The following BMPR1B variants were observed in gnomAD, a reference collection of about 807,000 sequenced individuals.
The protein encoded by BMPR1B is bone morphogenetic protein receptor type-1B.
A neutral mutation model predicts 59.1 loss-of-function variants in BMPR1B; 12 were observed. That is an observed-to-expected ratio of 0.20 (90% CI 0.13 to 0.33). The LOEUF is 0.33. Ranked by LOEUF, BMPR1B falls within the 10% of genes least tolerant of loss-of-function variation. The pLI is 1.00. For missense variants in BMPR1B, 550 were observed against 610.9 expected, an observed-to-expected ratio of 0.90 and a Z score of 1.05; for synonymous variants, 237 against 207.3, an observed-to-expected ratio of 1.14 and a Z score of -1.23.
intron 2 of BMPR1B, among the ~76,000 whole-genome samples, chr4:94,987,546 T>G (rs1186327806): frequency 6.6e-6 from 1 of 152,112 alleles, no homozygotes; most frequent in East Asian, 1.9e-4. Flanking sequence ...TGGTTTTTGC[T>G]GAGTCCCTCC....
At chr4:94,936,719 T>C (rs1171869333) in intron 2 of BMPR1B, among the ~76,000 whole-genome samples, 1 of 152,118 alleles carries the variant, frequency 6.6e-6, no homozygotes, top group Admixed American at 6.6e-5. Flanking sequence ...TAAGAATGGG[T>C]TTGCCTTTCA....
chr4:94,937,845 G>A (rs1453287092), intron 2 of BMPR1B, among the ~76,000 whole-genome samples: 2 of 152,112 alleles, frequency 1.3e-5, no homozygotes, highest in South Asian at 2.1e-4. Flanking sequence ...GGATAGTGAG[G>A]GAGTGAGATT....
intron 1 of BMPR1B, among the ~76,000 whole-genome samples, chr4:94,856,702 G>A: frequency 6.6e-6 from 1 of 152,134 alleles, no homozygotes; most frequent in East Asian, 1.9e-4. Context: ...ATAATGGGCA[G>A]GCCAAACTGT....
intron 3 of BMPR1B, among the ~76,000 whole-genome samples, chr4:95,069,514 A>G (rs1351665707): frequency 6.6e-6 from 1 of 152,132 alleles, no homozygotes; most frequent in Non-Finnish European, 1.5e-5. Flanking sequence ...TTCCCTTCTC[A>G]AAACTGACTT....
chr4:94,803,236 T>C (rs1337400688), intron 1 of BMPR1B, among the ~76,000 whole-genome samples: 1 of 152,300 alleles, frequency 6.6e-6, no homozygotes, highest in Middle Eastern at 3.4e-3. Flanking sequence ...TAAAGCTACC[T>C]CAATTTATGG....
At chr4:94,883,940 G>C (rs188689875) in intron 2 of BMPR1B, among the ~76,000 whole-genome samples, 1 of 152,190 alleles carries the variant, frequency 6.6e-6, no homozygotes, top group East Asian at 1.9e-4. Flanking sequence ...TCCACCCCTA[G>C]CTAGCCCTCA....
At chr4:95,043,369 T>A (rs989892231) in intron 3 of BMPR1B, among the ~76,000 whole-genome samples, 1 of 152,120 alleles carries the variant, frequency 6.6e-6, no homozygotes, top group Non-Finnish European at 1.5e-5. Flanking sequence ...GGTTTGTTGC[T>A]GTTGTTTTAA....
chr4:94,936,155 G>A (rs1005610706), intron 2 of BMPR1B, among the ~76,000 whole-genome samples: 1 of 152,186 alleles, frequency 6.6e-6, no homozygotes, highest in East Asian at 1.9e-4. Flanking sequence ...TATTCATGCT[G>A]TGGAGCTCTA....
chr4:95,104,312 A>T (rs940834501), intron 3 of BMPR1B, 96 bp from the exon 4 acceptor site: 1 of 1,361,500 alleles, frequency 7.3e-7, no homozygotes, highest in Non-Finnish European at 1.0e-6. Context: ...TATCTTGAAT[A>T]CTTCATTTTA....
At chr4:94,891,762 T>G (rs1265199432) in intron 2 of BMPR1B, among the ~76,000 whole-genome samples, 1 of 152,076 alleles carries the variant, frequency 6.6e-6, no homozygotes, top group Non-Finnish European at 1.5e-5. Flanking sequence ...ACAATTTTGA[T>G]CAAGTGCCTC....
At chr4:94,787,727 A>G (rs1177409878) in intron 1 of BMPR1B, among the ~76,000 whole-genome samples, 1 of 152,198 alleles carries the variant, frequency 6.6e-6, no homozygotes. Flanking sequence ...TCTTTTGATA[A>G]TCTTTTGTTA....
At chr4:95,108,214 C>G (rs903657440) in intron 4 of BMPR1B, among the ~76,000 whole-genome samples, 1 of 152,026 alleles carries the variant, frequency 6.6e-6, no homozygotes, top group Non-Finnish European at 1.5e-5. Flanking sequence ...AAATTCACCC[C>G]TTCCCAGATC....
At position 94,983,639 on chromosome 4, in the gene BMPR1B, C is replaced by T. The variant is rs181113983; in HGVS notation, c.-112-12401C>T. Among the ~76,000 whole-genome samples, 11 of 152,278 alleles carry T rather than the reference C, an allele frequency of 7.2e-5. No individual in the cohort carries two copies. In the East Asian group the frequency reaches 2.1e-3, roughly 29 times the overall value. The stretch of plus-strand genomic sequence containing the variant: ...GTTACCACCACTTAAGGCCCTAACT[C>T]CAAAGCCATATTTTGGTCTTACCAC... On this transcript the variant is annotated intron_variant, in intron 2 of 12. Coordinates refer to ENST00000515059, the MANE Select transcript of BMPR1B (RefSeq NM_001203.3).
intron 1 of BMPR1B, among the ~76,000 whole-genome samples, chr4:94,816,024 C>T (rs1051997650): frequency 2.0e-5 from 3 of 152,088 alleles, no homozygotes; most frequent in African/African-American, 7.2e-5. Context: ...GTTATCTTGG[C>T]TTTGTGTAGT....
At chr4:94,776,515 C>T (rs1371485583) in intron 1 of BMPR1B, among the ~76,000 whole-genome samples, 2 of 152,040 alleles carry the variant, frequency 1.3e-5, no homozygotes, top group Admixed American at 1.3e-4. Flanking sequence ...TTTTTTCTTT[C>T]TTCACCTCCG....
intron 3 of BMPR1B, among the ~76,000 whole-genome samples, chr4:95,057,648 C>T (rs1391439730): frequency 6.6e-6 from 1 of 152,030 alleles, no homozygotes. Flanking sequence ...AGAAAAACTG[C>T]ACCTGCTCAC....
At chr4:94,816,220 G>C (rs1051879359) in intron 1 of BMPR1B, among the ~76,000 whole-genome samples, 1 of 152,100 alleles carries the variant, frequency 6.6e-6, no homozygotes, top group Admixed American at 6.6e-5. Context: ...GATCTCAGCT[G>C]ACTGCAACCT....
intron 2 of BMPR1B, among the ~76,000 whole-genome samples, chr4:94,949,319 T>TCA (rs1223135908): frequency 6.3e-4 from 26 of 41,564 alleles, no homozygotes; most frequent in African/African-American, 1.2e-3. Context: ...TTTTTTTTTT[T>TCA]TTTTTTTTGA....
intron 3 of BMPR1B, among the ~76,000 whole-genome samples, chr4:95,055,335 A>T: frequency 6.6e-6 from 1 of 152,174 alleles, no homozygotes; most frequent in Non-Finnish European, 1.5e-5. Context: ...AGAGGAGGAT[A>T]ACAAACATGG....
Sources: allele counts gnomAD v4.1 joint callset (sites outside exome capture counted in the v4.1 genomes callset), GRCh38; gene constraint gnomAD v4.1.1; transcripts MANE v1.5; gene names NCBI Gene and HGNC (gene_info 2026-07-23, HGNC 2026-07-21).